The following REL variants were observed in gnomAD, a reference collection of about 807,000 sequenced individuals.
The protein encoded by REL is REL proto-oncogene, NF-kB subunit.
In REL, 15 loss-of-function variants were observed where a neutral mutation model predicts 45.9. The ratio of observed to expected loss-of-function variants is 0.33; its 90% CI spans 0.22 to 0.50. The LOEUF (loss-of-function observed/expected upper bound fraction) is 0.50, where lower values mean the gene tolerates loss of function less well. Among genes scored for constraint, REL ranks in the 20% least tolerant of loss-of-function variants. REL has a pLI of 0.98. For missense variants in REL, 601 were observed against 715.2 expected (o/e 0.84, Z 1.82); for synonymous variants, 239 against 242.1 (o/e 0.99, Z 0.12).
At position 60,924,622 on chromosome 2, in the gene REL, T is replaced by C. The variant is rs968232146; in HGVS notation, c.*2087T>C. 9.4e-6 allele frequency: 2 copies of C among 213,662 alleles called. No individual in the cohort carries two copies. Among genetic ancestry groups the C allele is most frequent in the Non-Finnish European group, 1.9e-5 (2 of 105,770 alleles). 13.2% of individuals were successfully genotyped at this position (213,662 alleles called of 1,614,324 possible). Reference sequence around the variant, plus strand: ...TTTTTTTTCCTTTTATGAAAAGAGATTTTATTGAAGGTAAAACATTAGAGG... The same window carrying C: ...TTTTTTTTCCTTTTATGAAAAGAGACTTTATTGAAGGTAAAACATTAGAGG... On this transcript the variant is annotated 3_prime_UTR_variant, in exon 10 of 10. Transcript: ENST00000394479.
chr2:60,914,767 G>A (rs983090455), intron 4 of REL, among the ~76,000 whole-genome samples: 1 of 150,856 alleles, frequency 6.6e-6, no homozygotes, highest in Admixed American at 6.6e-5. Flanking sequence ...TTTGTATCTG[G>A]TTTCTTTTGC....
intron 3 of REL, chr2:60,899,437 T>C (rs561793038): frequency 6.6e-6 from 1 of 152,340 alleles, no homozygotes; most frequent in Admixed American, 6.5e-5. Context: ...TGAGCCGGTA[T>C]GGTGCCACTG....
At position 60,925,761 on chromosome 2, in the gene REL, C is replaced by T. The variant is rs1029228506; in HGVS notation, c.*3226C>T. On this transcript the variant is annotated 3_prime_UTR_variant, in exon 10 of 10. Coordinates refer to ENST00000394479, the MANE Select transcript of REL (RefSeq NM_001291746.2). The stretch of plus-strand genomic sequence containing the variant: ...TAATTAGCACCAATCAGTTTAAACA[C>T]TGACTGTTAGAATAGCTGCATGGGT... 5.0e-6 allele frequency: 1 copy of T among 201,998 alleles called. No individual in the cohort carries two copies. The highest frequency in any genetic ancestry group is 1.0e-5 in the Non-Finnish European group (1 of 98,452). The allele number at this position is 201,998 out of a possible 1,614,324, so 12.5% of individuals were successfully genotyped here. A position where few individuals can be genotyped will look rare whatever the true frequency, so the allele number is the denominator to read the frequency against.
At chr2:60,913,618 A>G (rs532460903) in intron 4 of REL, among the ~76,000 whole-genome samples, 17 of 152,148 alleles carry the variant, frequency 1.1e-4, no homozygotes, top group Admixed American at 3.9e-4. Flanking sequence ...TTTTTTCCCT[A>G]TAGTTTATTG....
intron 9 of REL, 72 bp downstream of exon 9, chr2:60,920,714 A>G: frequency 2.2e-6 from 2 of 903,950 alleles, no homozygotes; most frequent in Non-Finnish European, 3.5e-6. Flanking sequence ...TTGGAATTCT[A>G]TTTTTAGGAA....
rs1248421838 is a variant in REL at position 60,910,486 on chromosome 2, A to C, written c.395-6391A>C. On this transcript the variant is annotated intron_variant, in intron 4 of 9. Coordinates refer to ENST00000394479, the MANE Select transcript of REL (RefSeq NM_001291746.2). ...TCTCAAAAAAAAAACAAAAAACAAAAAAAAAAAAAACATAAAAAGGAAGGA... is the reference window on the plus strand; with the variant it reads ...TCTCAAAAAAAAAACAAAAAACAAACAAAAAAAAAACATAAAAAGGAAGGA... Among the ~76,000 whole-genome samples, 755 of 149,728 alleles carry C rather than the reference A, an allele frequency of 5.0e-3. 11 individuals carry two copies. Among genetic ancestry groups the C allele is most frequent in the African/African-American group, 0.017 (700 of 40,348 alleles).
chr2:60,901,767 C>T (rs577680110), intron 4 of REL, among the ~76,000 whole-genome samples: 10 of 152,174 alleles, frequency 6.6e-5, no homozygotes, highest in Admixed American at 3.9e-4. Context: ...GTGCATTTAG[C>T]TCAAGGGTAA....
chr2:60,887,554 G>C (rs1183546421), intron 1 of REL, among the ~76,000 whole-genome samples: 2 of 151,440 alleles, frequency 1.3e-5, no homozygotes, highest in East Asian at 3.9e-4. Context: ...GAAATAAGAC[G>C]GTAAGTTTTC....
chr2:60,897,363 G>A (rs1397140123), intron 3 of REL, among the ~76,000 whole-genome samples: 1 of 149,674 alleles, frequency 6.7e-6, no homozygotes, highest in African/African-American at 2.5e-5. Flanking sequence ...GCTGGAGTGC[G>A]GTGGTGCGAT....
rs1350213222 is a variant in REL, at chr2:60,922,042, A to G, written c.1271A>G (p.Asn424Ser). The change falls in exon 10 of 10, where the codon AAT becomes AGT. Residue 424 changes from asparagine to serine, a missense_variant. Asn to Ser is a conservative substitution (Grantham distance 46). Coordinates refer to ENST00000394479, the MANE Select transcript of REL (RefSeq NM_001291746.2). Reference protein sequence around the residue: ...FLRIPVGNDLNASNACIYNNA... With the variant: ...FLRIPVGNDLSASNACIYNNA... ...AGAATACCTGTTGGGAATGATTTAA[A>G]TGCTTCTAATGCTTGCATTTACAAC... 6.2e-7 allele frequency: 1 copy of G among 1,614,046 alleles called. No homozygotes were observed. The highest frequency in any genetic ancestry group is 1.3e-5 in the African/African-American group (1 of 74,928).
intron 5 of REL, among the ~76,000 whole-genome samples, chr2:60,917,471 TTC>T (rs940768363): frequency 4.6e-5 from 7 of 151,926 alleles, no homozygotes; most frequent in African/African-American, 1.7e-4. Context: ...TTCTCATTTT[TTC>T]TTTTTGGCCT....
chr2:60,914,434 C>A (rs1673902657), intron 4 of REL, among the ~76,000 whole-genome samples: 1 of 152,160 alleles, frequency 6.6e-6, no homozygotes, highest in Non-Finnish European at 1.5e-5. Flanking sequence ...AGTAGAATTT[C>A]TTCCCTGTAG....
rs183901868 is a variant in REL at position 60,891,309 on chromosome 2, G to A, written c.11-374G>A. The stretch of plus-strand genomic sequence containing the variant: ...GTGTGATATTTTACTTCTGAATACT[G>A]CCTTCTTTACCCTTCTTGGGGAATC... On this transcript the variant is annotated intron_variant, in intron 1 of 9. Transcript: ENST00000394479. Among the ~76,000 whole-genome samples the A allele has an allele frequency of 2.3e-3, 357 of 152,150 alleles. 1 individual carries two copies. Among genetic ancestry groups the A allele is most frequent in the African/African-American group, 8.2e-3 (342 of 41,500 alleles).
At position 60,922,497 on chromosome 2, in the gene REL, T is replaced by C; in HGVS notation, c.1726T>C (p.Leu576=). The change falls in exon 10 of 10, where the codon TTG becomes CTG. Residue 576 remains leucine, a synonymous_variant. Transcript: ENST00000394479. ...TATTGGCAGTATGCAAAATGAGCAA[T>C]TGAGTGACTCCTTTCCATATGAATT... ...SGIGSMQNEQ[L]SDSFPYEFFQ... 1.2e-6 allele frequency: 2 copies of C among 1,610,132 alleles called. No individual in the cohort carries two copies. The highest frequency in any genetic ancestry group is 1.7e-6 in the Non-Finnish European group (2 of 1,178,406).
intron 4 of REL, among the ~76,000 whole-genome samples, chr2:60,906,182 A>G (rs534451166): frequency 6.6e-6 from 1 of 152,304 alleles, no homozygotes; most frequent in Middle Eastern, 3.4e-3. Context: ...CATGATTCAA[A>G]TTATCTCCCA....
chr2:60,917,321 AAACT>A (rs1408430287), intron 5 of REL, among the ~76,000 whole-genome samples: 5 of 152,256 alleles, frequency 3.3e-5, no homozygotes, highest in South Asian at 2.1e-4. Flanking sequence ...ATTGTTTTAA[AAACT>A]AACTTTCTTC....
In REL at chr2:60,921,936, C is replaced by A. The variant is rs772899527; in HGVS notation, c.1165C>A (p.Arg389Ser). ...SWSSVAHPTP[R>S]SGNTNPLSSF... ...GTCATCAGTGGCCCACCCCACCCCA[C>A]GCTCAGGCAATACAAACCCACTGAG... Residue 389 changes from arginine (R) to serine (S), a missense_variant, in exon 10 of 10, where the codon CGC becomes AGC. Arg to Ser is a moderately radical substitution (Grantham distance 110). Around this residue, in one of 4 missense-constraint regions of REL, gnomAD observed 334 missense variants for 333.1 expected, o/e 1.00. Coordinates refer to ENST00000394479, the MANE Select transcript of REL (RefSeq NM_001291746.2). 3.1e-6 allele frequency: 5 copies of A among 1,614,140 alleles called. No individual in the cohort carries two copies. The highest frequency in any genetic ancestry group is 8.5e-7 in the Non-Finnish European group (1 of 1,180,036).
intron 1 of REL, among the ~76,000 whole-genome samples, chr2:60,889,487 A>C (rs1387190152): frequency 6.6e-6 from 1 of 151,970 alleles, no homozygotes; most frequent in African/African-American, 2.4e-5. Flanking sequence ...TTTACACTTT[A>C]AGTTTTAGGG....
intron 1 of REL, among the ~76,000 whole-genome samples, chr2:60,882,619 G>C (rs1672973031): frequency 6.6e-6 from 1 of 152,006 alleles, no homozygotes; most frequent in Non-Finnish European, 1.5e-5. Context: ...AGGTTGCAGT[G>C]AGCCGAGATC....
Sources: allele counts gnomAD v4.1 joint callset (sites outside exome capture counted in the v4.1 genomes callset), GRCh38; gene constraint gnomAD v4.1.1; regional missense constraint gnomAD v4.1.1; transcripts MANE v1.5; gene names NCBI Gene and HGNC (gene_info 2026-07-23, HGNC 2026-07-21).